Variants in UTRN observed in about 807,000 individuals in gnomAD.
The protein encoded by UTRN is utrophin.
Under a neutral mutation model 463.9 loss-of-function variants are expected in UTRN, and 283 were observed. The observed-to-expected ratio is 0.61, with a 90% CI of 0.55 to 0.67. The LOEUF (loss-of-function observed/expected upper bound fraction) is 0.67. Among genes scored for constraint, UTRN ranks in the 30% least tolerant of loss-of-function variants. UTRN has a pLI of 0.00. For missense variants in UTRN, 3,922 were observed against 4,084.3 expected (o/e 0.96, Z 1.08); for synonymous variants, 1,442 against 1,431.5 (o/e 1.01, Z -0.17).
intron 2 of UTRN, among the ~76,000 whole-genome samples, chr6:144,302,475 A>C (rs1011258990): frequency 6.6e-6 from 1 of 150,704 alleles, no homozygotes; most frequent in Non-Finnish European, 1.5e-5. Context: ...GTGCCAATGC[A>C]CTCCAGCCTG....
intron 50 of UTRN, among the ~76,000 whole-genome samples, chr6:144,576,036 T>C (rs1801401261): frequency 6.6e-6 from 1 of 152,202 alleles, no homozygotes; most frequent in Non-Finnish European, 1.5e-5. Context: ...GTTTAACTTC[T>C]TTCACTTAAC....
chr6:144,425,407 A>G (rs1037994933), intron 6 of UTRN, among the ~76,000 whole-genome samples: 1 of 152,168 alleles, frequency 6.6e-6, no homozygotes, highest in African/African-American at 2.4e-5. Context: ...CTTTGTTATT[A>G]AAAGTATCGG....
chr6:144,327,837 G>C lies in UTRN; in HGVS notation c.79+35930G>C, dbSNP rs1458716443. On this transcript the variant is annotated intron_variant, in intron 2 of 74. Coordinates refer to ENST00000367545, the MANE Select transcript of UTRN (RefSeq NM_007124.3). ...CGGGTACCTGGAATCCTAGCAACTCGTGAGGCTGAGGCGGGAGAATCACTT... is the reference window on the plus strand; with the variant it reads ...CGGGTACCTGGAATCCTAGCAACTCCTGAGGCTGAGGCGGGAGAATCACTT... 2.0e-5 allele frequency among the ~76,000 whole-genome samples: 3 copies of C among 152,088 alleles called. No individual in the cohort carries two copies. The South Asian group carries it at 6.2e-4, about 32-fold the overall frequency.
At chr6:144,525,700 G>A (rs1454913540) in intron 41 of UTRN, among the ~76,000 whole-genome samples, 1 of 150,228 alleles carries the variant, frequency 6.7e-6, no homozygotes, top group African/African-American at 2.5e-5. Flanking sequence ...TCTGATCTTG[G>A]TTATTTTTTT....
intron 14 of UTRN, among the ~76,000 whole-genome samples, chr6:144,446,299 G>A (rs1368404883): frequency 1.3e-5 from 2 of 152,094 alleles, no homozygotes; most frequent in African/African-American, 4.8e-5. Flanking sequence ...TACATGTTCT[G>A]TCTGATGGCA....
At chr6:144,465,696 A>G (rs1263615053) in intron 23 of UTRN, among the ~76,000 whole-genome samples, 8 of 152,134 alleles carry the variant, frequency 5.3e-5, no homozygotes, top group Non-Finnish European at 1.2e-4. Flanking sequence ...TACTTGGGAA[A>G]ACTTTAAATT....
chr6:144,548,007 A>C (rs1471741225), intron 46 of UTRN, among the ~76,000 whole-genome samples: 1 of 152,194 alleles, frequency 6.6e-6, no homozygotes, highest in African/African-American at 2.4e-5. Context: ...ATTGTATCAA[A>C]ACCAATCAAT....
chr6:144,539,178 A>C (rs1797790967), intron 44 of UTRN, 116 bp from the exon 45 acceptor site: 1 of 1,198,908 alleles, frequency 8.3e-7, no homozygotes, highest in Non-Finnish European at 1.1e-6. Flanking sequence ...TTATTTTTTC[A>C]CTTAACAAAT....
chr6:144,803,160 C>A lies in UTRN; in HGVS notation c.9357+13C>A, dbSNP rs565558992. 2.6e-5 allele frequency: 38 copies of A among 1,452,962 alleles called. No homozygotes were observed. In the East Asian group the frequency reaches 2.7e-4, roughly 10 times the overall value. 90.0% of individuals were successfully genotyped at this position (1,452,962 alleles called of 1,614,324 possible). A position where few individuals can be genotyped will look rare whatever the true frequency, so the allele number is the denominator to read the frequency against. On this transcript the variant is annotated intron_variant, in intron 65 of 74. Coordinates refer to ENST00000367545, the MANE Select transcript of UTRN (RefSeq NM_007124.3). The stretch of plus-strand genomic sequence containing the variant: ...ATATTGTATACCTGTGAGTACTAAC[C>A]CACTGTTTTGTTTTTAATACATTGC...
intron 66 of UTRN, among the ~76,000 whole-genome samples, chr6:144,823,544 G>A (rs4896749): frequency 0.6 from 90,726 of 152,100 alleles, 31,059 homozygotes; most frequent in East Asian, 0.95. Flanking sequence ...GCAAAATGTA[G>A]CATTTTGTCC....
chr6:144,499,467 C>T (rs763152001), intron 34 of UTRN, 40 bp downstream of exon 34: 15 of 1,527,256 alleles, frequency 9.8e-6, no homozygotes, highest in Admixed American at 5.4e-5. Flanking sequence ...ATGATGCCAG[C>T]GTAACATGGC....
chr6:144,437,516 T>A, intron 10 of UTRN, 49 bp from the exon 11 acceptor site: 1 of 1,503,270 alleles, frequency 6.7e-7, no homozygotes, highest in Non-Finnish European at 8.9e-7. Flanking sequence ...TCTTCCTTTT[T>A]TTTTTTTGCA....
intron 53 of UTRN, among the ~76,000 whole-genome samples, chr6:144,720,456 G>A (rs866550329): frequency 6.6e-6 from 1 of 152,184 alleles, no homozygotes; most frequent in South Asian, 2.1e-4. Flanking sequence ...CGAAGGAGTC[G>A]GAGAGGTGGG....
intron 74 of UTRN, among the ~76,000 whole-genome samples, chr6:144,848,025 C>G (rs576682828): frequency 1.3e-5 from 2 of 152,076 alleles, no homozygotes; most frequent in Non-Finnish European, 2.9e-5. Flanking sequence ...AGGCTGGGAT[C>G]TTAACTAAAA....
At chr6:144,762,519 G>A (rs1178824670) in intron 58 of UTRN, among the ~76,000 whole-genome samples, 1 of 152,194 alleles carries the variant, frequency 6.6e-6, no homozygotes, top group Non-Finnish European at 1.5e-5. Flanking sequence ...CCGTTGTATA[G>A]GCTTTTCCAT....
intron 14 of UTRN, among the ~76,000 whole-genome samples, chr6:144,446,113 A>G (rs1284424087): frequency 6.6e-6 from 1 of 152,216 alleles, no homozygotes; most frequent in Non-Finnish European, 1.5e-5. Flanking sequence ...TCTTCTATCC[A>G]GTAAAGTAAT....
At chr6:144,417,373 T>G (rs1784443253) in intron 3 of UTRN, among the ~76,000 whole-genome samples, 1 of 152,234 alleles carries the variant, frequency 6.6e-6, no homozygotes, top group Admixed American at 6.5e-5. Context: ...AGATCCTGGT[T>G]CTGCCTCTCA....
intron 51 of UTRN, among the ~76,000 whole-genome samples, chr6:144,669,470 A>G (rs1293013344): frequency 6.6e-6 from 1 of 152,228 alleles, no homozygotes; most frequent in Non-Finnish European, 1.5e-5. Context: ...TAAAAATATT[A>G]TATCACCACT....
chr6:144,736,699 T>A (rs372124867), intron 54 of UTRN, among the ~76,000 whole-genome samples: 1 of 152,196 alleles, frequency 6.6e-6, no homozygotes, highest in African/African-American at 2.4e-5. Context: ...CCGTAGTGCA[T>A]GCCATGGGAT....
Sources: gnomAD v4.1 joint callset for allele counts (sites outside exome capture counted in the v4.1 genomes callset) on GRCh38, gnomAD v4.1.1 for gene constraint, MANE v1.5 for transcripts, NCBI Gene and HGNC (gene_info 2026-07-23, HGNC 2026-07-21) for gene names.